The following HIVEP1 variants were observed in gnomAD, a reference collection of about 807,000 sequenced individuals.
The protein encoded by HIVEP1 is zinc finger protein 40.
A neutral mutation model predicts 180.0 loss-of-function variants in HIVEP1; 36 were observed. The observed-to-expected ratio is 0.20, with a 90% CI of 0.15 to 0.26. The LOEUF (loss-of-function observed/expected upper bound fraction) is 0.26. Among genes scored for constraint, HIVEP1 ranks in the 10% least tolerant of loss-of-function variants. The probability of loss-of-function intolerance (pLI) is 1.00; values close to 1 mark genes in which losing one functional copy is unlikely to be tolerated. For synonymous variants in HIVEP1, 1,239 were observed against 1,239.0 expected, an observed-to-expected ratio of 1.00 and a Z score of 0.00; for missense variants, 3,143 against 3,268.7, an observed-to-expected ratio of 0.96 and a Z score of 0.94.
At chr6:12,165,863 C>T (rs1255444675), downstream of HIVEP1, among the ~76,000 whole-genome samples, 2 of 152,204 alleles carry the variant, frequency 1.3e-5, no homozygotes, top group African/African-American at 4.8e-5. Flanking sequence ...CCCAGCTTCA[C>T]GTCTGTGACT....
intron 2 of HIVEP1, among the ~76,000 whole-genome samples, chr6:12,047,559 C>T (rs1770222591): frequency 6.6e-6 from 1 of 152,230 alleles, no homozygotes; most frequent in Non-Finnish European, 1.5e-5. Flanking sequence ...TCGCGGGTCT[C>T]ACAGCCACTG....
At chr6:12,088,255 G>A (rs578124909) in intron 2 of HIVEP1, among the ~76,000 whole-genome samples, 7 of 152,114 alleles carry the variant, frequency 4.6e-5, no homozygotes, top group Non-Finnish European at 7.4e-5. Flanking sequence ...GAGCTGATGC[G>A]TTTATTTAAA....
intron 7 of HIVEP1, among the ~76,000 whole-genome samples, chr6:12,145,105 G>T (rs113042986): frequency 0.03 from 4,597 of 152,248 alleles, 99 homozygotes; most frequent in Non-Finnish European, 0.046. Context: ...CAATAGCAAA[G>T]ACTTGGAACC....
rs575599701 is a variant in HIVEP1, at chr6:12,140,216, T to C, written c.6487+4324T>C. 6.6e-5 allele frequency among the ~76,000 whole-genome samples: 10 copies of C among 152,304 alleles called. No individual in the cohort carries two copies. In the South Asian group the frequency reaches 1.0e-3, roughly 16 times the overall value. On this transcript the variant is annotated intron_variant, in intron 7 of 8. Coordinates refer to ENST00000379388, the MANE Select transcript of HIVEP1 (RefSeq NM_002114.4). ...AGCCTCTGCTGGTGATACCCAGGCA[T>C]ACAGGGCCTGGAGTGGACCTCCAGC...
At chr6:12,072,970 C>G (rs548347606) in intron 2 of HIVEP1, among the ~76,000 whole-genome samples, 13 of 152,182 alleles carry the variant, frequency 8.5e-5, no homozygotes, top group African/African-American at 3.1e-4. Flanking sequence ...ACTGCTTTCT[C>G]TGTGTGTCAC....
intron 3 of HIVEP1, among the ~76,000 whole-genome samples, chr6:12,093,502 T>C (rs77255248): frequency 0.018 from 2,798 of 151,630 alleles, 83 homozygotes; most frequent in African/African-American, 0.064. Context: ...TAAAAGACTT[T>C]CACGTTTCAG....
intron 2 of HIVEP1, chr6:12,037,668 AG>A (rs1210660220): frequency 4.0e-5 from 16 of 399,002 alleles, no homozygotes; most frequent in African/African-American, 2.9e-4. Flanking sequence ...GTTCTTCAAC[AG>A]GGAGAATGAA....
chr6:12,017,496 A>G (rs1767877981), intron 2 of HIVEP1, among the ~76,000 whole-genome samples: 2 of 152,250 alleles, frequency 1.3e-5, no homozygotes, highest in South Asian at 4.1e-4. Flanking sequence ...AGAGCACAAC[A>G]ACAAAGCTTC....
chr6:12,068,185 G>A (rs1229152765), intron 2 of HIVEP1, among the ~76,000 whole-genome samples: 1 of 152,094 alleles, frequency 6.6e-6, no homozygotes, highest in African/African-American at 2.4e-5. Context: ...CCGCCTCCTG[G>A]GTTCAAGTGA....
intron 2 of HIVEP1, among the ~76,000 whole-genome samples, chr6:12,060,183 G>C (rs1338403171): frequency 6.6e-6 from 1 of 152,128 alleles, no homozygotes; most frequent in Non-Finnish European, 1.5e-5. Context: ...GCATCCCATG[G>C]ATTAAAACAT....
chr6:12,117,698 ACT>A (rs1295513803), intron 3 of HIVEP1, among the ~76,000 whole-genome samples: 1 of 152,206 alleles, frequency 6.6e-6, no homozygotes, highest in Non-Finnish European at 1.5e-5. Flanking sequence ...CCTGTCCAAG[ACT>A]CTGGTTGAAT....
At chr6:12,129,957 C>G (rs1758329017) in intron 5 of HIVEP1, 65 bp downstream of exon 5, 1 of 1,149,206 alleles carries the variant, frequency 8.7e-7, no homozygotes, top group Non-Finnish European at 1.3e-6. Flanking sequence ...CATTTGCTTT[C>G]ATGTGAATGA....
At chr6:12,133,917 G>T (rs1758568177) in intron 6 of HIVEP1, among the ~76,000 whole-genome samples, 1 of 151,868 alleles carries the variant, frequency 6.6e-6, no homozygotes, top group Non-Finnish European at 1.5e-5. Context: ...GATGGAGGTT[G>T]CAGTGAGCTG....
At chr6:12,133,515 C>T (rs189024178) in intron 6 of HIVEP1, among the ~76,000 whole-genome samples, 1 of 152,220 alleles carries the variant, frequency 6.6e-6, no homozygotes, top group East Asian at 1.9e-4. Context: ...TATTGAAATG[C>T]AGATTTTTGT....
chr6:12,121,795 G>A lies in HIVEP1; in HGVS notation c.2000G>A (p.Ser667Asn). The change falls in exon 4 of 9, where the codon AGT (serine) becomes AAT (asparagine). Residue 667 changes from serine to asparagine, a missense_variant. Coordinates refer to ENST00000379388, the MANE Select transcript of HIVEP1 (RefSeq NM_002114.4). The surrounding 1 kb of genome is among the most constrained non-coding windows in gnomAD (Gnocchi z 5.3). Reference sequence around the variant, plus strand: ...CAAGGAAAGCTCCTGAGTCCTCGAAGTTTAGGAAGTACGGATTCTGGTTAC... The same window carrying A: ...CAAGGAAAGCTCCTGAGTCCTCGAAATTTAGGAAGTACGGATTCTGGTTAC... ...EQQGKLLSPR[S>N]LGSTDSGYFS... The A allele has an allele frequency of 3.1e-6, 5 of 1,614,198 alleles. No homozygotes were observed. Among genetic ancestry groups the A allele is most frequent in the Non-Finnish European group, 4.2e-6 (5 of 1,180,030 alleles).
chr6:12,204,430 G>A, the HIVEP1 span, among the ~76,000 whole-genome samples: 6 of 151,164 alleles, frequency 4.0e-5, no homozygotes. Flanking sequence ...TCTACGGAGT[G>A]CTTCTTATAT....
chr6:12,028,243 C>T (rs937550640), intron 2 of HIVEP1, among the ~76,000 whole-genome samples: 1 of 152,296 alleles, frequency 6.6e-6, no homozygotes, highest in Non-Finnish European at 1.5e-5. Context: ...CTTATAAGCC[C>T]GTCTGGACTT....
In HIVEP1 at chr6:12,034,149, A is replaced by G. The variant is rs2113651960; in HGVS notation, c.40+18481A>G. Among the ~76,000 whole-genome samples, 2 of 152,378 alleles carry G rather than the reference A, an allele frequency of 1.3e-5. 1 individual carries two copies. Among genetic ancestry groups the G allele is most frequent in the East Asian group, 3.9e-4 (2 of 5,192 alleles). ...ATAATGGATTTTATAAACATTAGAT[A>G]GTCTTTTAGCACCTGCATTTTTTTG... On this transcript the variant is annotated intron_variant, in intron 2 of 8. Coordinates refer to ENST00000379388, the MANE Select transcript of HIVEP1 (RefSeq NM_002114.4).
rs1221097388 is a variant in HIVEP1, at chr6:12,154,177, G to A, written c.6488-7262G>A. Among the ~76,000 whole-genome samples, 9 of 152,142 alleles carry A rather than the reference G, an allele frequency of 5.9e-5. No homozygotes were observed. The East Asian group carries it at 9.6e-4, about 16-fold the overall frequency. ...CAGCACCACTGAATTTATTCTAGTC[G>A]TCTCCATTTCCTTCTCTTCTTCACC... is the stretch of plus-strand genomic sequence containing the variant. On this transcript the variant is annotated intron_variant, in intron 7 of 8. Transcript: ENST00000379388.
Sources: gnomAD v4.1 joint callset for allele counts (sites outside exome capture counted in the v4.1 genomes callset) on GRCh38, gnomAD v4.1.1 for gene constraint, Gnocchi (gnomAD v3.1) non-coding constraint, MANE v1.5 for transcripts, NCBI Gene and HGNC (gene_info 2026-07-23, HGNC 2026-07-21) for gene names.